The following PALLD variants were observed in gnomAD, a reference collection of about 807,000 sequenced individuals.
PALLD encodes the protein palladin, cytoskeletal associated protein, also known as palladin.
PALLD carries 61 observed loss-of-function variants against 123.5 expected under a neutral mutation model. That is an observed-to-expected ratio of 0.49 (90% CI 0.40 to 0.61). PALLD has a LOEUF of 0.61. Among genes scored for constraint, PALLD ranks in the 20% least tolerant of loss-of-function variants. The probability of loss-of-function intolerance (pLI) is 0.00; values close to 1 mark genes in which losing one functional copy is unlikely to be tolerated. For missense variants in PALLD, 1,273 were observed against 1,377.0 expected, an observed-to-expected ratio of 0.92 and a Z score of 1.20; for synonymous variants, 465 against 496.4, an observed-to-expected ratio of 0.94 and a Z score of 0.84.
intron 10 of PALLD, among the ~76,000 whole-genome samples, chr4:168,788,294 TCTA>T (rs2150586291): frequency 6.6e-6 from 1 of 151,934 alleles, no homozygotes; most frequent in African/African-American, 2.4e-5. Flanking sequence ...TGGTTATTAT[TCTA>T]CTTTCTTTGT....
At chr4:168,731,293 T>C (rs1787146896) in intron 10 of PALLD, among the ~76,000 whole-genome samples, 1 of 152,258 alleles carries the variant, frequency 6.6e-6, no homozygotes, top group African/African-American at 2.4e-5. Context: ...ATCTGCCATC[T>C]TTAAGTGGAT....
Position 168,527,329 on chromosome 4 carries a change from G to A in PALLD, c.908+14917G>A, listed in dbSNP as rs550620826. On this transcript the variant is annotated intron_variant, in intron 2 of 21. Coordinates refer to ENST00000505667, the MANE Select transcript of PALLD (RefSeq NM_001166108.2). Reference sequence around the variant, plus strand: ...CCCAGCTACTCGGGAGGCTGAGGCAGGAGAATCGCTTTAACCCGGGAGGCA... The same window carrying A: ...CCCAGCTACTCGGGAGGCTGAGGCAAGAGAATCGCTTTAACCCGGGAGGCA... 3.4e-5 allele frequency among the ~76,000 whole-genome samples: 5 copies of A among 148,976 alleles called. No individual in the cohort carries two copies. The East Asian group carries it at 1.0e-3, about 31-fold the overall frequency.
At chr4:168,751,140 G>A (rs2150385870) in intron 10 of PALLD, among the ~76,000 whole-genome samples, 1 of 151,876 alleles carries the variant, frequency 6.6e-6, no homozygotes, top group South Asian at 2.1e-4. Flanking sequence ...AGCCTCCCGA[G>A]TAGCTGGGAT....
At chr4:168,614,475 G>A (rs1774030496) in intron 2 of PALLD, among the ~76,000 whole-genome samples, 1 of 152,030 alleles carries the variant, frequency 6.6e-6, no homozygotes, top group Non-Finnish European at 1.5e-5. Flanking sequence ...ATACATGTTT[G>A]AAATAGCTTT....
chr4:168,685,769 T>C (rs10013443), intron 6 of PALLD, among the ~76,000 whole-genome samples: 4,372 of 134,604 alleles, frequency 0.032, 216 homozygotes, highest in African/African-American at 0.12. Context: ...GAGCAGGAAC[T>C]TGATAGAGCC....
chr4:168,811,776 T>TCTCTCACACACACA (rs1228399235), intron 10 of PALLD, among the ~76,000 whole-genome samples: 7 of 143,636 alleles, frequency 4.9e-5, no homozygotes, highest in African/African-American at 1.6e-4. Flanking sequence ...TCTCTCTCTC[T>TCTCTCACACACACA]CACACACACA....
chr4:168,715,865 G>A (rs1181588204), intron 10 of PALLD, among the ~76,000 whole-genome samples: 1 of 152,118 alleles, frequency 6.6e-6, no homozygotes, highest in Non-Finnish European at 1.5e-5. Context: ...CAGGAGAATG[G>A]CGTGAACCCG....
intron 10 of PALLD, among the ~76,000 whole-genome samples, chr4:168,725,613 G>A (rs1015022364): frequency 1.5e-5 from 2 of 130,918 alleles, no homozygotes; most frequent in African/African-American, 5.8e-5. Flanking sequence ...TGCAAGCTCC[G>A]CCTCCCGGGT....
chr4:168,669,979 T>G (rs537093274), intron 3 of PALLD, among the ~76,000 whole-genome samples: 33 of 152,292 alleles, frequency 2.2e-4, no homozygotes, highest in African/African-American at 7.5e-4. Context: ...CCTATCATAC[T>G]GATAGGTATT....
chr4:168,618,469 G>A (rs1464242395), intron 2 of PALLD, among the ~76,000 whole-genome samples: 1 of 152,086 alleles, frequency 6.6e-6, no homozygotes. Context: ...ACTTTCTAGG[G>A]TTGTAAGGGC....
intron 1 of PALLD, among the ~76,000 whole-genome samples, chr4:168,503,651 A>G (rs909180058): frequency 1.3e-5 from 2 of 151,860 alleles, no homozygotes; most frequent in Non-Finnish European, 2.9e-5. Flanking sequence ...CATCTCAAAA[A>G]AAAAAAAAAA....
At chr4:168,701,538 G>A (rs374968627) in intron 8 of PALLD, among the ~76,000 whole-genome samples, 3 of 152,122 alleles carry the variant, frequency 2.0e-5, no homozygotes, top group African/African-American at 2.4e-5. Flanking sequence ...GCATCAGAAG[G>A]AATTCTTTAC....
chr4:168,713,662 C>T (rs944092884), intron 10 of PALLD, among the ~76,000 whole-genome samples: 4 of 152,030 alleles, frequency 2.6e-5, no homozygotes, highest in Non-Finnish European at 4.4e-5. Context: ...GTAGACAAAA[C>T]AACTTCGCGT....
chr4:168,793,162 CAT>C lies in PALLD; in HGVS notation c.1964+81246_1964+81247del, dbSNP rs769116566. ...ACATATATATGTGTGCATATATATA[CAT>C]ATATATGTGTGCATATATATACATA... On this transcript the variant is annotated intron_variant, in intron 10 of 21. Coordinates refer to ENST00000505667, the MANE Select transcript of PALLD (RefSeq NM_001166108.2). Among the ~76,000 whole-genome samples the C allele has an allele frequency of 2.5e-4, 33 of 131,812 alleles. 2 individuals carry two copies. Among genetic ancestry groups the C allele is most frequent in the Non-Finnish European group, 4.4e-4 (27 of 61,286 alleles). The allele number at this position is 131,812 out of a possible 152,430, so 86.5% of individuals were successfully genotyped here. A position where few individuals can be genotyped will look rare whatever the true frequency, so the allele number is the denominator to read the frequency against.
At chr4:168,587,432 C>T (rs1031852848) in intron 2 of PALLD, among the ~76,000 whole-genome samples, 20 of 152,146 alleles carry the variant, frequency 1.3e-4, no homozygotes. Context: ...AGTAGCAGGA[C>T]TCCTTGGCTA....
At chr4:168,582,671 A>G (rs1446891992) in intron 2 of PALLD, among the ~76,000 whole-genome samples, 2 of 152,144 alleles carry the variant, frequency 1.3e-5, no homozygotes, top group African/African-American at 4.8e-5. Context: ...TTCTGCATCT[A>G]TGGAGATGAT....
At chr4:168,913,790 G>C (rs1759540069) in intron 15 of PALLD, 137 bp from the exon 16 acceptor site, 1 of 698,550 alleles carries the variant, frequency 1.4e-6, no homozygotes, top group Non-Finnish European at 2.6e-6. Context: ...TTTCTGAAAA[G>C]GGTTAGTCAT....
At chr4:168,858,406 G>A (rs1213672304) in intron 10 of PALLD, among the ~76,000 whole-genome samples, 1 of 152,164 alleles carries the variant, frequency 6.6e-6, no homozygotes, top group Non-Finnish European at 1.5e-5. Context: ...AGTATCCATT[G>A]TAATCTCTTT....
In PALLD at chr4:168,878,011, G is replaced by A; in HGVS notation, c.1965-12911G>A. 1 of 1,497,130 alleles carries A rather than the reference G, an allele frequency of 6.7e-7. No individual in the cohort carries two copies. The allele number at this position is 1,497,130 out of a possible 1,614,324, so 92.7% of individuals were successfully genotyped here. The stretch of plus-strand genomic sequence containing the variant: ...TCGGGCCCGCGTCGGGCCACGGCAC[G>A]CCGGCCTCCAGCCCCAGCTCGTCCA... On this transcript the variant is annotated intron_variant, in intron 10 of 21. Coordinates refer to ENST00000505667, the MANE Select transcript of PALLD (RefSeq NM_001166108.2).
Sources: allele counts gnomAD v4.1 joint callset (sites outside exome capture counted in the v4.1 genomes callset), GRCh38; gene constraint gnomAD v4.1.1; transcripts MANE v1.5; gene names NCBI Gene and HGNC (gene_info 2026-07-23, HGNC 2026-07-21).